PARG: variants seen among roughly 807,000 people sequenced by gnomAD.
The protein encoded by PARG is poly(ADP-ribose) glycohydrolase.
In PARG, 35 loss-of-function variants were observed where a neutral mutation model predicts 113.0. The ratio of observed to expected loss-of-function variants is 0.31; its 90% CI spans 0.24 to 0.41. The LOEUF (loss-of-function observed/expected upper bound fraction) is 0.41, where lower values mean the gene tolerates loss of function less well. Ranked by LOEUF, PARG falls within the 10% of genes least tolerant of loss-of-function variation. The pLI, the probability that PARG is intolerant of heterozygous loss-of-function variation, is 1.00. For synonymous variants in PARG, 330 were observed against 409.9 expected, an observed-to-expected ratio of 0.81 and a Z score of 2.36; for missense variants, 797 against 1,169.4, an observed-to-expected ratio of 0.68 and a Z score of 4.64.
chr10:49,859,844 T>C (rs1846173277), intron 12 of PARG, among the ~76,000 whole-genome samples: 1 of 152,184 alleles, frequency 6.6e-6, no homozygotes, highest in Admixed American at 6.5e-5. Context: ...CTTAAAAAAG[T>C]TCTTAACAAT....
At chr10:49,830,223 G>C (rs181817825) in intron 16 of PARG, among the ~76,000 whole-genome samples, 20 of 152,136 alleles carry the variant, frequency 1.3e-4, no homozygotes, top group African/African-American at 4.8e-4. Flanking sequence ...AAATGACCAC[G>C]GCTTACAGCA....
At chr10:49,888,464 TCTTC>T (rs1554840842) in intron 7 of PARG, among the ~76,000 whole-genome samples, 1 of 152,212 alleles carries the variant, frequency 6.6e-6, no homozygotes, top group Non-Finnish European at 1.5e-5. Flanking sequence ...TGTGGTTTCC[TCTTC>T]CTTTCTGAAG....
At chr10:49,928,371 A>G (rs1238892026) in intron 4 of PARG, among the ~76,000 whole-genome samples, 3 of 152,236 alleles carry the variant, frequency 2.0e-5, no homozygotes, top group Non-Finnish European at 4.4e-5. Context: ...AGGATGTTCC[A>G]TATCATCTGA....
chr10:49,827,887 T>C (rs1844436124), intron 16 of PARG, among the ~76,000 whole-genome samples: 1 of 151,648 alleles, frequency 6.6e-6, no homozygotes, highest in Admixed American at 6.6e-5. Context: ...CACCAAAAAG[T>C]AGAAATAGTA....
intron 8 of PARG, among the ~76,000 whole-genome samples, chr10:49,884,275 C>A (rs2664511): frequency 6.6e-6 from 1 of 152,224 alleles, no homozygotes; most frequent in African/African-American, 2.4e-5. Context: ...ATATAATTAA[C>A]GTACTCCAAA....
chr10:49,921,812 C>A (rs1461445686), intron 6 of PARG, among the ~76,000 whole-genome samples: 1 of 151,266 alleles, frequency 6.6e-6, no homozygotes, highest in African/African-American at 2.4e-5. Context: ...CTACTAGTTA[C>A]CCTTGCAGTC....
chr10:49,920,451 T>TAAAAAAAAAA (rs781928566), intron 6 of PARG, among the ~76,000 whole-genome samples: 37 of 39,820 alleles, frequency 9.3e-4, no homozygotes, highest in Non-Finnish European at 1.5e-3. Context: ...AGCCTCAAAT[T>TAAAAAAAAAA]AAAAAAAAAA....
intron 15 of PARG, among the ~76,000 whole-genome samples, chr10:49,836,307 C>CTT (rs1168567519): frequency 0.34 from 16,164 of 47,532 alleles, 6,841 homozygotes; most frequent in Non-Finnish European, 0.45. Flanking sequence ...TTTCTTACGA[C>CTT]TTTTTTTTTT....
intron 11 of PARG, among the ~76,000 whole-genome samples, chr10:49,862,583 C>T (rs1846305814): frequency 6.6e-6 from 1 of 151,060 alleles, no homozygotes; most frequent in African/African-American, 2.4e-5. Context: ...TAATTCTGCA[C>T]AGGTTCTGTC....
chr10:49,904,475 T>C (rs12411846), intron 7 of PARG, among the ~76,000 whole-genome samples: 28,172 of 151,020 alleles, frequency 0.19, 2,979 homozygotes, highest in East Asian at 0.34. Context: ...TGAGTGGTAA[T>C]GATGTGTCAA....
At chr10:49,883,929 C>T (rs1212376624) in intron 8 of PARG, among the ~76,000 whole-genome samples, 1 of 150,896 alleles carries the variant, frequency 6.6e-6, no homozygotes, top group Admixed American at 6.6e-5. Context: ...TCATAGAAGA[C>T]ACTGCAGCTT....
chr10:49,824,952 A>C (rs1469805881), intron 16 of PARG, among the ~76,000 whole-genome samples: 11 of 152,108 alleles, frequency 7.2e-5, no homozygotes, highest in African/African-American at 2.7e-4. Flanking sequence ...ACCTTACCAC[A>C]TGCCAGCCAG....
chr10:49,905,904 T>C (rs1848561675), intron 7 of PARG, among the ~76,000 whole-genome samples: 1 of 152,036 alleles, frequency 6.6e-6, no homozygotes, highest in African/African-American at 2.4e-5. Flanking sequence ...CATGGGTTAA[T>C]AAAGTAGAAG....
chr10:49,835,935 G>A (rs1316160380), intron 15 of PARG, among the ~76,000 whole-genome samples: 9 of 151,972 alleles, frequency 5.9e-5, no homozygotes, highest in Non-Finnish European at 1.3e-4. Flanking sequence ...AATACCTACC[G>A]TTGCGTCACA....
intron 7 of PARG, among the ~76,000 whole-genome samples, chr10:49,912,249 G>T (rs1554846447): frequency 6.6e-6 from 1 of 152,126 alleles, no homozygotes; most frequent in African/African-American, 2.4e-5. Context: ...ACAATGAGCC[G>T]AGATCATGCC....
intron 13 of PARG, among the ~76,000 whole-genome samples, chr10:49,846,352 A>G (rs1370659895): frequency 2.7e-5 from 4 of 149,584 alleles, no homozygotes; most frequent in Admixed American, 1.3e-4. Flanking sequence ...GCTCAAGGGA[A>G]TTTTCTGAGG....
chr10:49,921,604 A>C (rs1187022276), intron 6 of PARG, among the ~76,000 whole-genome samples: 1 of 151,986 alleles, frequency 6.6e-6, no homozygotes, highest in Non-Finnish European at 1.5e-5. Context: ...GAAAACATTA[A>C]GAAAGCTGAG....
At chr10:49,877,757 T>TA (rs1847014290) in intron 9 of PARG, among the ~76,000 whole-genome samples, 1 of 115,702 alleles carries the variant, frequency 8.6e-6, no homozygotes, top group Admixed American at 9.6e-5. Context: ...TCTGATATTT[T>TA]AAAAACGGGG....
intron 7 of PARG, among the ~76,000 whole-genome samples, chr10:49,892,599 T>C (rs528028715): frequency 5.4e-4 from 83 of 152,320 alleles, no homozygotes; most frequent in Non-Finnish European, 1.0e-3. Context: ...ATTTCAAAAA[T>C]ATGGTGAAGT....
Sources: gnomAD v4.1 joint callset for allele counts (sites outside exome capture counted in the v4.1 genomes callset) on GRCh38, gnomAD v4.1.1 for gene constraint, MANE v1.5 for transcripts, NCBI Gene and HGNC (gene_info 2026-07-23, HGNC 2026-07-21) for gene names.